Variants in COL19A1 observed in about 807,000 individuals in gnomAD.
The protein encoded by COL19A1 is collagen alpha-1(XIX) chain.
In COL19A1, 159 loss-of-function variants were observed where a neutral mutation model predicts 190.2. That is an observed-to-expected ratio of 0.84 (90% CI 0.73 to 0.95). COL19A1 has a LOEUF of 0.95. Ranked by LOEUF, COL19A1 falls within the 40% of genes least tolerant of loss-of-function variation. The probability of loss-of-function intolerance (pLI) is 0.00; values close to 1 mark genes in which losing one functional copy is unlikely to be tolerated. For synonymous variants in COL19A1, 509 were observed against 458.9 expected (o/e 1.11, Z -1.39); for missense variants, 1,418 against 1,431.9 (o/e 0.99, Z 0.16).
At chr6:70,118,766 G>T (rs190438536) in intron 16 of COL19A1, among the ~76,000 whole-genome samples, 24 of 152,024 alleles carry the variant, frequency 1.6e-4, no homozygotes, top group African/African-American at 5.8e-4. Flanking sequence ...GAATAATAAC[G>T]TTCAACCTTT....
intron 7 of COL19A1, among the ~76,000 whole-genome samples, chr6:69,934,854 G>C (rs1474853327): frequency 2.4e-4 from 37 of 151,852 alleles, no homozygotes; most frequent in Non-Finnish European, 2.9e-5. Flanking sequence ...TTATATAAAA[G>C]CCATTTAAAT....
intron 2 of COL19A1, among the ~76,000 whole-genome samples, chr6:69,892,336 A>G (rs1769408909): frequency 1.3e-5 from 2 of 152,204 alleles, no homozygotes. Flanking sequence ...GTTAGCCTAA[A>G]ATGTAAGCGA....
chr6:70,199,228 A>G (rs1260936954), intron 48 of COL19A1, among the ~76,000 whole-genome samples: 1 of 152,228 alleles, frequency 6.6e-6, no homozygotes, highest in Non-Finnish European at 1.5e-5. Flanking sequence ...CACCACACAT[A>G]CGTTCACAAC....
intron 9 of COL19A1, among the ~76,000 whole-genome samples, chr6:69,949,082 A>C (rs1197809240): frequency 1.3e-5 from 2 of 151,876 alleles, no homozygotes. Context: ...TTCCTCAAGC[A>C]GTTTTCTTCT....
rs1170049190 is a variant in COL19A1, at chr6:70,151,329, CT to C, written c.2038-67del. The C allele has an allele frequency of 3.2e-5, 47 of 1,468,514 alleles. No homozygotes were observed. The African/African-American group carries it at 5.0e-4, about 16-fold the overall frequency. The allele number at this position is 1,468,514 out of a possible 1,614,324, so 91.0% of individuals were successfully genotyped here. A position where few individuals can be genotyped will look rare whatever the true frequency, so the allele number is the denominator to read the frequency against. ...TTTGAGGAAAAATGTCTACATTATA[CT>C]GTATGTTTATATTGTATTGTGTTCA... is the stretch of plus-strand genomic sequence containing the variant. On this transcript the variant is annotated intron_variant, in intron 30 of 50. Coordinates refer to ENST00000620364, the MANE Select transcript of COL19A1 (RefSeq NM_001858.6).
At chr6:69,937,864 C>T (rs563805697) in intron 8 of COL19A1, among the ~76,000 whole-genome samples, 174 bp from the exon 9 acceptor site, 4 of 152,080 alleles carry the variant, frequency 2.6e-5, no homozygotes, top group Non-Finnish European at 5.9e-5. Context: ...AATGGAATTC[C>T]ATTGGCATGC....
In COL19A1 at chr6:70,001,332, G is replaced by A. The variant is rs570628012; in HGVS notation, c.1027-22295G>A. On this transcript the variant is annotated intron_variant, in intron 11 of 50. Coordinates refer to ENST00000620364, the MANE Select transcript of COL19A1 (RefSeq NM_001858.6). ...CCTCCAGCTTTGTTCTTTTTGCTTA[G>A]GATTGTCTTGGCTATATGGGGTATT... is the stretch of plus-strand genomic sequence containing the variant. 9.2e-5 allele frequency among the ~76,000 whole-genome samples: 14 copies of A among 152,256 alleles called. No individual in the cohort carries two copies. The East Asian group carries it at 2.5e-3, about 27-fold the overall frequency.
chr6:70,163,456 G>C (rs1787943230), intron 36 of COL19A1, 60 bp downstream of exon 36: 14 of 1,481,410 alleles, frequency 9.5e-6, no homozygotes, highest in Non-Finnish European at 1.3e-5. Context: ...AGCAGGATGA[G>C]ACTCTTCACA....
intron 19 of COL19A1, among the ~76,000 whole-genome samples, chr6:70,138,779 C>G (rs1313689433): frequency 6.6e-6 from 1 of 152,034 alleles, no homozygotes; most frequent in Non-Finnish European, 1.5e-5. Flanking sequence ...TCGTGCTTGC[C>G]CTTAGTATTC....
chr6:70,066,591 G>A (rs1370023327), intron 14 of COL19A1, among the ~76,000 whole-genome samples: 1 of 151,556 alleles, frequency 6.6e-6, no homozygotes, highest in Non-Finnish European at 1.5e-5. Context: ...AGAACTTAAA[G>A]TATAATAAAA....
intron 11 of COL19A1, among the ~76,000 whole-genome samples, chr6:70,005,183 T>C (rs1777542776): frequency 6.6e-6 from 1 of 152,132 alleles, no homozygotes. Flanking sequence ...TCCAGTTCTG[T>C]ACCCTTGCTG....
rs369641633 is a variant in COL19A1 at position 70,147,892 on chromosome 6, C to T, written c.1893+1003C>T. ...CCCCCACCTCAGGTTCTATAGTTTG[C>T]TAGAGTGGTCCACAGAATCAAGTAA... On this transcript the variant is annotated intron_variant, in intron 27 of 50. Transcript: ENST00000620364. 2.8e-4 allele frequency among the ~76,000 whole-genome samples: 43 copies of T among 152,252 alleles called. 1 individual carries two copies. The South Asian group carries it at 8.9e-3, about 32-fold the overall frequency.
intron 15 of COL19A1, among the ~76,000 whole-genome samples, chr6:70,083,936 A>T (rs1782431325): frequency 6.6e-6 from 1 of 152,304 alleles, no homozygotes; most frequent in African/African-American, 2.4e-5. Flanking sequence ...CTGAAAAAGT[A>T]TTATAAGAGG....
At chr6:69,966,076 C>T (rs60033125) in intron 11 of COL19A1, among the ~76,000 whole-genome samples, 2,535 of 152,328 alleles carry the variant, frequency 0.017, 74 homozygotes, top group African/African-American at 0.055. Context: ...ATGATTTCAT[C>T]AAACTCTTGT....
intron 16 of COL19A1, among the ~76,000 whole-genome samples, chr6:70,116,994 G>A (rs145845679): frequency 6.6e-6 from 1 of 152,314 alleles, no homozygotes; most frequent in Non-Finnish European, 1.5e-5. Context: ...CATCTGGATG[G>A]CTCAAGGAGA....
chr6:70,203,343 T>G (rs1767664746), intron 49 of COL19A1, among the ~76,000 whole-genome samples: 1 of 152,204 alleles, frequency 6.6e-6, no homozygotes, highest in African/African-American at 2.4e-5. Context: ...GAATAGTTGT[T>G]CTTACTTGTG....
At chr6:69,883,616 G>A (rs1582274093) in intron 2 of COL19A1, among the ~76,000 whole-genome samples, 1 of 152,174 alleles carries the variant, frequency 6.6e-6, no homozygotes, top group African/African-American at 2.4e-5. Flanking sequence ...CAGCAAACTG[G>A]TGTATAAGTA....
intron 4 of COL19A1, among the ~76,000 whole-genome samples, chr6:69,926,936 A>G (rs1403955330): frequency 6.6e-6 from 1 of 152,118 alleles, no homozygotes; most frequent in Admixed American, 6.6e-5. Flanking sequence ...CTCATCAGAA[A>G]CCATGGAGAC....
At chr6:70,068,842 C>G (rs951856158) in intron 15 of COL19A1, among the ~76,000 whole-genome samples, 1 of 152,058 alleles carries the variant, frequency 6.6e-6, no homozygotes, top group Non-Finnish European at 1.5e-5. Flanking sequence ...CATTCTTTAT[C>G]CAAATTAAAT....
Sources: gnomAD v4.1 joint callset for allele counts (sites outside exome capture counted in the v4.1 genomes callset) on GRCh38, gnomAD v4.1.1 for gene constraint, MANE v1.5 for transcripts, NCBI Gene and HGNC (gene_info 2026-07-23, HGNC 2026-07-21) for gene names.